SLC25A14: variants seen among roughly 807,000 people sequenced by gnomAD.
SLC25A14 encodes the protein solute carrier family 25 member 14, also known as brain mitochondrial carrier protein 1.
In SLC25A14, 8 loss-of-function variants were observed where a neutral mutation model predicts 28.1. The observed-to-expected ratio is 0.28, with a 90% CI of 0.17 to 0.51. The LOEUF (loss-of-function observed/expected upper bound fraction) is 0.51, where lower values mean the gene tolerates loss of function less well. Among genes scored for constraint, SLC25A14 ranks in the 20% least tolerant of loss-of-function variants. SLC25A14 has a pLI of 0.97. For missense variants in SLC25A14, 135 were observed against 263.8 expected, an observed-to-expected ratio of 0.51 and a Z score of 3.38; for synonymous variants, 74 against 90.6, an observed-to-expected ratio of 0.82 and a Z score of 1.04.
intron 6 of SLC25A14, among the ~76,000 whole-genome samples, chrX:130,355,362 A>G (rs2033756637): frequency 8.9e-6 from 1 of 112,379 alleles, no homozygotes; most frequent in African/African-American, 3.2e-5. Context: ...TTAACAGTTT[A>G]AATCTTTAAA....
At chrX:130,359,117 C>G in intron 7 of SLC25A14, 1 of 699,557 alleles carries the variant, frequency 1.4e-6, no homozygotes, top group Non-Finnish European at 2.0e-6. Context: ...CTTTGGGAGG[C>G]CAACGCGGGT....
intron 7 of SLC25A14, among the ~76,000 whole-genome samples, chrX:130,360,168 G>C (rs1041500620): frequency 9.3e-6 from 1 of 107,290 alleles, no homozygotes; most frequent in Non-Finnish European, 1.9e-5. Flanking sequence ...TGGCCTTACA[G>C]ATGTGAGCCA....
chrX:130,343,847 C>G (rs1300745741), intron 2 of SLC25A14, among the ~76,000 whole-genome samples: 3 of 112,018 alleles, frequency 2.7e-5, no homozygotes, highest in Non-Finnish European at 3.8e-5. Flanking sequence ...CACAACAACC[C>G]TATGATATAG....
intron 9 of SLC25A14, among the ~76,000 whole-genome samples, chrX:130,371,182 G>C (rs775186741): frequency 9.0e-6 from 1 of 111,511 alleles, no homozygotes; most frequent in African/African-American, 3.3e-5. Flanking sequence ...ACCTAGCTAT[G>C]GAAGTGACAT....
intron 6 of SLC25A14, among the ~76,000 whole-genome samples, chrX:130,355,046 C>T (rs2033748478): frequency 8.9e-6 from 1 of 112,251 alleles, no homozygotes; most frequent in African/African-American, 3.2e-5. Context: ...ATACTTCAAA[C>T]CAAATGATAA....
intron 6 of SLC25A14, among the ~76,000 whole-genome samples, chrX:130,356,146 G>A (rs1455733077): frequency 9.2e-6 from 1 of 108,817 alleles, no homozygotes; most frequent in Non-Finnish European, 1.9e-5. Context: ...ATTTAAGGTC[G>A]CAAAGTGGTG....
intron 3 of SLC25A14, among the ~76,000 whole-genome samples, chrX:130,345,792 C>T (rs1279567215): frequency 1.8e-5 from 2 of 111,240 alleles, no homozygotes; most frequent in Non-Finnish European, 3.8e-5. Context: ...TGACTACTGA[C>T]GTTCTTGGCA....
intron 7 of SLC25A14, chrX:130,359,170 T>C (rs1344129344): frequency 2.8e-6 from 1 of 362,624 alleles, no homozygotes; most frequent in African/African-American, 2.7e-5. Context: ...CTGGCCAACC[T>C]GGTGAAACCC....
chrX:130,358,384 T>G (rs1217009860), intron 6 of SLC25A14, among the ~76,000 whole-genome samples: 1 of 111,954 alleles, frequency 8.9e-6, no homozygotes, highest in Admixed American at 9.5e-5. Context: ...TTCTTCTAGC[T>G]CCAGAAATAA....
At chrX:130,362,561 A>G (rs1196898472) in intron 7 of SLC25A14, among the ~76,000 whole-genome samples, 1 of 112,132 alleles carries the variant, frequency 8.9e-6, no homozygotes, top group Non-Finnish European at 1.9e-5. Context: ...TCCTAATACC[A>G]GAGGAAAAAA....
rs754354715 is a variant in SLC25A14, at chrX:130,373,142, G to A, written c.*192G>A. The A allele has an allele frequency of 1.1e-4, 44 of 383,764 alleles. No homozygotes were observed. In the South Asian group the frequency reaches 1.6e-3, roughly 14 times the overall value. 31.6% of individuals were successfully genotyped at this position (383,764 alleles called of 1,213,427 possible). ...TGTGTTACCATGTTAACTTTTCCCC[G>A]AGAGAAAGTGTTAACATTGAGACTC... On this transcript the variant is annotated 3_prime_UTR_variant, in exon 11 of 11. Transcript: ENST00000545805.
intron 10 of SLC25A14, among the ~76,000 whole-genome samples, chrX:130,372,448 T>C (rs2034285856): frequency 1.2e-5 from 1 of 84,210 alleles, no homozygotes; most frequent in Non-Finnish European, 2.6e-5. Flanking sequence ...TGGTGTTTTA[T>C]TTATTTATTT....
intron 9 of SLC25A14, among the ~76,000 whole-genome samples, chrX:130,366,160 T>C (rs2034111166): frequency 8.9e-6 from 1 of 112,656 alleles, no homozygotes; most frequent in South Asian, 3.6e-4. Context: ...GAAAACAAAT[T>C]GAGGCTAAAA....
rs188085197 is a variant in SLC25A14 at position 130,348,077 on chromosome X, G to A, written c.318-1174G>A. On this transcript the variant is annotated intron_variant, in intron 4 of 10. Coordinates refer to ENST00000545805, the MANE Select transcript of SLC25A14 (RefSeq NM_001282195.2). ...TAGACTGGGTGACTTATAAACAATC[G>A]GAATTTATTTCTCACAGTTCTGGAG... 3.3e-3 allele frequency among the ~76,000 whole-genome samples: 371 copies of A among 111,324 alleles called. 1 individual carries two copies. Among genetic ancestry groups the A allele is most frequent in the Admixed American group, 0.018 (188 of 10,479 alleles).
At chrX:130,345,375 C>T (rs1403930758) in intron 3 of SLC25A14, 100 bp downstream of exon 3, 3 of 525,075 alleles carry the variant, frequency 5.7e-6, no homozygotes, top group African/African-American at 4.8e-5. Flanking sequence ...ATAAGAAGCT[C>T]GCCTTATTTT....
chrX:130,342,815 C>T (rs2033301723), intron 2 of SLC25A14, among the ~76,000 whole-genome samples: 1 of 106,329 alleles, frequency 9.4e-6, no homozygotes, highest in African/African-American at 3.5e-5. Context: ...GTGCTCCAGG[C>T]GTAAGAAGAA....
intron 2 of SLC25A14, 75 bp downstream of exon 2, chrX:130,340,428 T>A: frequency 9.0e-7 from 1 of 1,116,375 alleles, no homozygotes; most frequent in Admixed American, 2.2e-5. Flanking sequence ...CTACCCCCTG[T>A]CACTCCTGAG....
intron 10 of SLC25A14, among the ~76,000 whole-genome samples, chrX:130,371,926 G>A (rs2034272300): frequency 8.9e-6 from 1 of 112,246 alleles, no homozygotes; most frequent in Non-Finnish European, 1.9e-5. Context: ...AACCCTGATG[G>A]ACGAAGCCTA....
chrX:130,349,136 A>G, intron 4 of SLC25A14, 115 bp from the exon 5 acceptor site: 1 of 409,019 alleles, frequency 2.4e-6, no homozygotes, highest in Non-Finnish European at 4.1e-6. Context: ...GCTTGAAAAA[A>G]ATCATATTCT....
Sources: allele counts gnomAD v4.1 joint callset (sites outside exome capture counted in the v4.1 genomes callset), GRCh38; gene constraint gnomAD v4.1.1; transcripts MANE v1.5; gene names NCBI Gene and HGNC (gene_info 2026-07-23, HGNC 2026-07-21).